VPS13B: variants seen among roughly 807,000 people sequenced by gnomAD.
VPS13B encodes the protein intermembrane lipid transfer protein VPS13B.
A neutral mutation model predicts 426.4 loss-of-function variants in VPS13B; 285 were observed. The ratio of observed to expected loss-of-function variants is 0.67; its 90% CI spans 0.61 to 0.74. VPS13B has a LOEUF of 0.74. VPS13B is among the 30% of genes least tolerant of loss of function. The pLI, the probability that VPS13B is intolerant of heterozygous loss-of-function variation, is 0.00. For synonymous variants in VPS13B, 1,676 were observed against 1,676.4 expected (o/e 1.00, Z 0.01); for missense variants, 4,537 against 4,782.6 (o/e 0.95, Z 1.51).
At chr8:99,383,775 G>A (rs1427803226) in intron 19 of VPS13B, among the ~76,000 whole-genome samples, 2 of 152,130 alleles carry the variant, frequency 1.3e-5, no homozygotes, top group African/African-American at 4.8e-5. Flanking sequence ...ATTCATCAGT[G>A]CTGTAGCATG....
intron 19 of VPS13B, among the ~76,000 whole-genome samples, chr8:99,310,077 T>C (rs1349540191): frequency 6.6e-6 from 1 of 152,180 alleles, no homozygotes; most frequent in Non-Finnish European, 1.5e-5. Flanking sequence ...TTAAGGAGAT[T>C]TTGGGCTGAG....
intron 19 of VPS13B, among the ~76,000 whole-genome samples, chr8:99,337,521 A>T (rs1810979901): frequency 1.3e-5 from 2 of 151,902 alleles, no homozygotes; most frequent in Admixed American, 1.3e-4. Flanking sequence ...AATAAAAAAG[A>T]TTCCTAAGGG....
intron 23 of VPS13B, among the ~76,000 whole-genome samples, chr8:99,452,254 T>C (rs1172648975): frequency 6.6e-6 from 1 of 152,198 alleles, no homozygotes; most frequent in Non-Finnish European, 1.5e-5. Flanking sequence ...TCCCAATCTG[T>C]CCTCTAGGCA....
intron 17 of VPS13B, among the ~76,000 whole-genome samples, chr8:99,270,029 T>TA (rs1818492556): frequency 6.6e-6 from 1 of 151,470 alleles, no homozygotes. Flanking sequence ...AAACCAAATT[T>TA]AAAAATACTT....
intron 43 of VPS13B, among the ~76,000 whole-genome samples, chr8:99,786,089 G>A (rs1395018111): frequency 6.6e-6 from 1 of 152,134 alleles, no homozygotes; most frequent in African/African-American, 2.4e-5. Flanking sequence ...TGGGAAGGGT[G>A]ATCATAAGAG....
chr8:99,410,823 CTG>C (rs1815609916), intron 21 of VPS13B, among the ~76,000 whole-genome samples: 1 of 152,012 alleles, frequency 6.6e-6, no homozygotes, highest in South Asian at 2.1e-4. Flanking sequence ...GTTTGGTTTT[CTG>C]TTCTTGTGTT....
At chr8:99,750,209 G>A (rs968629724) in intron 39 of VPS13B, among the ~76,000 whole-genome samples, 1 of 152,054 alleles carries the variant, frequency 6.6e-6, no homozygotes, top group Non-Finnish European at 1.5e-5. Flanking sequence ...ACCTTAAGTT[G>A]AACTCTGAAA....
chr8:99,818,983 G>GGT, intron 47 of VPS13B, 95 bp downstream of exon 47: 5 of 384,870 alleles, frequency 1.3e-5, no homozygotes, highest in East Asian at 8.6e-5. Flanking sequence ...GGAGGGGTGG[G>GGT]TAGGGAGATG....
chr8:99,447,619 CT>C (rs1461053225), intron 23 of VPS13B, among the ~76,000 whole-genome samples: 1 of 152,102 alleles, frequency 6.6e-6, no homozygotes, highest in African/African-American at 2.4e-5. Flanking sequence ...CCCTCAGCCC[CT>C]GGCTTTAATT....
chr8:99,819,795 T>G (rs897815736), intron 48 of VPS13B, 126 bp from the exon 49 acceptor site: 26 of 1,327,272 alleles, frequency 2.0e-5, no homozygotes, highest in Non-Finnish European at 2.6e-5. Context: ...AAATTTAGCA[T>G]TGAAAGATTC....
intron 3 of VPS13B, among the ~76,000 whole-genome samples, chr8:99,085,161 G>C (rs1274273330): frequency 2.0e-5 from 3 of 152,092 alleles, no homozygotes; most frequent in Non-Finnish European, 4.4e-5. Context: ...TATATATTTA[G>C]GATAGTTAGC....
chr8:99,501,947 T>TACTG, intron 26 of VPS13B, 89 bp downstream of exon 26: 1 of 1,289,110 alleles, frequency 7.8e-7, no homozygotes, highest in Non-Finnish European at 1.1e-6. Context: ...TTCCTTTCTT[T>TACTG]TCTGTCTGTC....
intron 39 of VPS13B, among the ~76,000 whole-genome samples, chr8:99,753,433 C>G (rs1246969609): frequency 2.0e-5 from 3 of 152,108 alleles, no homozygotes; most frequent in Non-Finnish European, 4.4e-5. Context: ...AGTAAAATAT[C>G]TGAACAGTTA....
intron 54 of VPS13B, among the ~76,000 whole-genome samples, chr8:99,842,934 C>T (rs749874709): frequency 6.6e-6 from 1 of 152,140 alleles, no homozygotes; most frequent in Admixed American, 6.5e-5. Flanking sequence ...AGGCAGATTG[C>T]TTGAGCCCAG....
chr8:99,717,221 A>T lies in VPS13B; in HGVS notation c.6505A>T (p.Lys2169Ter). 6.2e-7 allele frequency: 1 copy of T among 1,613,918 alleles called. No individual in the cohort carries two copies. The highest frequency in any genetic ancestry group is 8.5e-7 in the Non-Finnish European group (1 of 1,179,926). Residue 2169 changes from lysine to a stop codon, truncating the protein, a stop_gained, in exon 37 of 62, where the codon AAA (lysine) becomes TAA (stop). Coordinates refer to ENST00000357162, the MANE Select transcript of VPS13B (RefSeq NM_152564.5). LOFTEE classifies it high-confidence loss of function. Reference protein sequence around the residue: ...FLLSINDFLLKTSLKERSRIL... With the variant: ...FLLSINDFLL ...ACTCAGTATAAACGATTTTCTCCTTAAAACAAGTCTCAAAGAAAGAAGCCG... is the reference window on the plus strand; with the variant it reads ...ACTCAGTATAAACGATTTTCTCCTTTAAACAAGTCTCAAAGAAAGAAGCCG...
chr8:99,198,635 G>C (rs1049756742), intron 17 of VPS13B, among the ~76,000 whole-genome samples: 1 of 152,050 alleles, frequency 6.6e-6, no homozygotes, highest in Non-Finnish European at 1.5e-5. Context: ...CTCAAGTTCT[G>C]TCATTTAGAA....
chr8:99,356,782 A>C (rs547838752), intron 19 of VPS13B, among the ~76,000 whole-genome samples: 2 of 152,302 alleles, frequency 1.3e-5, no homozygotes, highest in African/African-American at 2.4e-5. Flanking sequence ...ACTTTGGAGA[A>C]TCTCTAGTAT....
intron 35 of VPS13B, among the ~76,000 whole-genome samples, chr8:99,661,704 G>A (rs1438277116): frequency 6.6e-6 from 1 of 152,050 alleles, no homozygotes; most frequent in East Asian, 1.9e-4. Context: ...CAAAAAGGTA[G>A]TTATCAATTA....
At chr8:99,438,530 T>C (rs929742349) in intron 22 of VPS13B, among the ~76,000 whole-genome samples, 1 of 152,132 alleles carries the variant, frequency 6.6e-6, no homozygotes, top group Non-Finnish European at 1.5e-5. Flanking sequence ...TAGGAGGAAG[T>C]CTGGAATTCA....
Sources: gnomAD v4.1 joint callset for allele counts (sites outside exome capture counted in the v4.1 genomes callset) on GRCh38, gnomAD v4.1.1 for gene constraint, MANE v1.5 for transcripts, NCBI Gene and HGNC (gene_info 2026-07-23, HGNC 2026-07-21) for gene names.